LRIG1: variants seen among roughly 807,000 people sequenced by gnomAD.
LRIG1 encodes the protein leucine-rich repeats and immunoglobulin-like domains protein 1.
LRIG1 carries 48 observed loss-of-function variants against 99.2 expected under a neutral mutation model. That is an observed-to-expected ratio of 0.48 (90% CI 0.38 to 0.62). LRIG1 has a LOEUF of 0.62. LRIG1 is among the 20% of genes least tolerant of loss of function. The pLI is 0.00. For missense variants in LRIG1, 1,646 were observed against 1,434.4 expected (o/e 1.15, Z -2.38); for synonymous variants, 772 against 596.1 (o/e 1.29, Z -4.30).
At chr3:66,384,454 T>A (rs374913301) in intron 13 of LRIG1, among the ~76,000 whole-genome samples, 182 bp from the exon 14 acceptor site, 152 of 152,214 alleles carry the variant, frequency 1.0e-3, no homozygotes, top group Non-Finnish European at 1.9e-3. Flanking sequence ...CCCACCACAG[T>A]TGGAACACTT....
At chr3:66,500,056 C>CA in intron 1 of LRIG1, 134 bp downstream of exon 1, 2 of 660,120 alleles carry the variant, frequency 3.0e-6, no homozygotes, top group Non-Finnish European at 4.8e-6. Flanking sequence ...GACAGTCTTC[C>CA]AACACGCACA....
chr3:66,401,578 A>G, intron 9 of LRIG1: 1 of 1,409,714 alleles, frequency 7.1e-7, no homozygotes, highest in Non-Finnish European at 9.4e-7. Flanking sequence ...GGGGCTAATC[A>G]TCTTGTTGGT....
At chr3:66,383,906 AC>A in intron 14 of LRIG1, 84 bp downstream of exon 14, 1 of 1,527,212 alleles carries the variant, frequency 6.5e-7, no homozygotes, top group Non-Finnish European at 8.8e-7. Context: ...AACGCATACC[AC>A]CCCTGGCCAC....
chr3:66,414,315 T>G (rs1302523999), intron 5 of LRIG1, among the ~76,000 whole-genome samples: 1 of 151,942 alleles, frequency 6.6e-6, no homozygotes, highest in Non-Finnish European at 1.5e-5. Context: ...GAGAATGGTG[T>G]GAACCCCGGG....
chr3:66,418,560 T>C (rs538898622), intron 3 of LRIG1, among the ~76,000 whole-genome samples: 6 of 152,276 alleles, frequency 3.9e-5, no homozygotes, highest in East Asian at 3.9e-4. Flanking sequence ...ACTCCAATAT[T>C]AGACACTTAG....
chr3:66,490,974 G>A (rs1054764303), intron 1 of LRIG1, among the ~76,000 whole-genome samples: 15 of 152,168 alleles, frequency 9.9e-5, no homozygotes, highest in South Asian at 2.1e-4. Flanking sequence ...ACAAAGTACC[G>A]GACTGAGGAG....
In LRIG1 at chr3:66,435,562, G is replaced by A. The variant is rs552694571; in HGVS notation, c.365+15997C>T. Among the ~76,000 whole-genome samples the A allele has an allele frequency of 3.9e-5, 6 of 152,270 alleles. No individual in the cohort carries two copies. The South Asian group carries it at 1.0e-3, about 26-fold the overall frequency. On this transcript the variant is annotated intron_variant, in intron 3 of 18. Transcript: ENST00000273261. ...CCACTGCACTCTAGCCTGGATGGCAGAGCAAGACTCTGTCTCAAAAAGAAA... is the reference window on the plus strand; with the variant it reads ...CCACTGCACTCTAGCCTGGATGGCAAAGCAAGACTCTGTCTCAAAAAGAAA...
In LRIG1 at chr3:66,379,616, G is replaced by C. The variant is rs1412259081; in HGVS notation, c.*647C>G. 1 of 151,842 alleles carries C rather than the reference G, an allele frequency of 6.6e-6. No homozygotes were observed. The highest frequency in any genetic ancestry group is 1.5e-5 in the Non-Finnish European group (1 of 67,934). The allele number at this position is 151,842 out of a possible 1,614,324, so 9.4% of individuals were successfully genotyped here. On this transcript the variant is annotated 3_prime_UTR_variant, in exon 19 of 19. Transcript: ENST00000273261. ...GATTCTACGCCTTACAGACAGACAGGACTTAAACCTAAAAGGAAAAGCCAT... is the reference window on the plus strand; with the variant it reads ...GATTCTACGCCTTACAGACAGACAGCACTTAAACCTAAAAGGAAAAGCCAT...
intron 3 of LRIG1, among the ~76,000 whole-genome samples, chr3:66,431,639 T>C (rs940308230): frequency 6.6e-6 from 1 of 152,176 alleles, no homozygotes; most frequent in African/African-American, 2.4e-5. Flanking sequence ...CCAAGACCAA[T>C]GAGCTCTGAC....
At chr3:66,428,152 G>A (rs909523508) in intron 3 of LRIG1, among the ~76,000 whole-genome samples, 6 of 152,132 alleles carry the variant, frequency 3.9e-5, no homozygotes, top group African/African-American at 1.4e-4. Context: ...TTTGGCAGGC[G>A]TGCAATGTCC....
rs1323835544 is a variant in LRIG1, at chr3:66,383,839, A to AAAATT, written c.2071+147_2071+151dup. The AAAATT allele has an allele frequency of 6.7e-5, 75 of 1,113,034 alleles. No homozygotes were observed. In the Middle Eastern group the frequency reaches 1.2e-3, roughly 18 times the overall value. 68.9% of individuals were successfully genotyped at this position (1,113,034 alleles called of 1,614,324 possible). A position where few individuals can be genotyped will look rare whatever the true frequency, so the allele number is the denominator to read the frequency against. On this transcript the variant is annotated intron_variant, in intron 14 of 18. Transcript: ENST00000273261. ...AAGAGATAGAAACACTTGTTTAAGA[A>AAAATT]AAATTAACTCAACTCAAAAAGCAGC... is the stretch of plus-strand genomic sequence containing the variant.
intron 8 of LRIG1, chr3:66,406,023 T>G: frequency 1.0e-6 from 1 of 988,484 alleles, no homozygotes; most frequent in Admixed American, 6.1e-5. Context: ...TCTCCAACTT[T>G]CCACAAGGTT....
intron 1 of LRIG1, among the ~76,000 whole-genome samples, chr3:66,497,613 C>G (rs1701256160): frequency 7.0e-6 from 1 of 143,138 alleles, no homozygotes; most frequent in South Asian, 2.2e-4. Context: ...TCTGTTTCTT[C>G]TATTCACACT....
intron 6 of LRIG1, 30 bp downstream of exon 6, chr3:66,412,841 A>T: frequency 6.2e-7 from 1 of 1,612,762 alleles, no homozygotes; most frequent in Non-Finnish European, 8.5e-7. Flanking sequence ...AGCAATCCTT[A>T]GCAATGCCAG....
At chr3:66,436,812 T>TG (rs1414535529) in intron 3 of LRIG1, among the ~76,000 whole-genome samples, 1 of 150,976 alleles carries the variant, frequency 6.6e-6, no homozygotes, top group African/African-American at 2.5e-5. Flanking sequence ...CCTCTCATGC[T>TG]CCCAAAATCT....
intron 8 of LRIG1, 94 bp from the exon 9 acceptor site, chr3:66,405,372 C>T: frequency 1.0e-6 from 1 of 999,046 alleles, no homozygotes; most frequent in Admixed American, 1.8e-5. Flanking sequence ...CTGAAGTCCC[C>T]TGGGTGCATG....
chr3:66,380,601 G>C lies in LRIG1; in HGVS notation c.3031C>G (p.Pro1011Ala), dbSNP rs555406294. Residue 1011 changes from proline (P) to alanine (A), a missense_variant, in exon 18 of 19, where the codon CCA becomes GCA. Pro to Ala is a conservative substitution (Grantham distance 27, BLOSUM62 -1). Coordinates refer to ENST00000273261, the MANE Select transcript of LRIG1 (RefSeq NM_015541.3). ...DRMLTAVKKK[P>A]MASLDGKGDS... is the part of the protein sequence containing the mutation. The stretch of plus-strand genomic sequence containing the variant: ...CCTTTCCCATCTAGAGATGCCATTG[G>C]CTTTTTCTTCACAGCCGTCAGCATT... 10 of 1,613,932 alleles carry C rather than the reference G, an allele frequency of 6.2e-6. No individual in the cohort carries two copies. In the South Asian group the frequency reaches 9.9e-5, roughly 16 times the overall value.
intron 17 of LRIG1, 128 bp downstream of exon 17, chr3:66,381,351 A>G (rs1701050013): frequency 2.3e-6 from 2 of 851,684 alleles, no homozygotes; most frequent in South Asian, 1.7e-5. Context: ...CTTCCCCTGT[A>G]TATACTGAAT....
chr3:66,393,423 G>A (rs898846839), intron 12 of LRIG1, among the ~76,000 whole-genome samples: 2 of 152,216 alleles, frequency 1.3e-5, no homozygotes, highest in East Asian at 1.9e-4. Context: ...GCTAGCCTGC[G>A]TGTGTGTTTT....
Sources: gnomAD v4.1 joint callset for allele counts (sites outside exome capture counted in the v4.1 genomes callset) on GRCh38, gnomAD v4.1.1 for gene constraint, MANE v1.5 for transcripts, NCBI Gene and HGNC (gene_info 2026-07-23, HGNC 2026-07-21) for gene names.